PDE4B: variants seen among roughly 807,000 people sequenced by gnomAD.
The protein encoded by PDE4B is 3',5'-cyclic-AMP phosphodiesterase 4B.
PDE4B carries 20 observed loss-of-function variants against 82.2 expected under a neutral mutation model. The observed-to-expected ratio is 0.24, with a 90% confidence interval of 0.17 to 0.35. The LOEUF (loss-of-function observed/expected upper bound fraction) is 0.35. Ranked by LOEUF, PDE4B falls within the 10% of genes least tolerant of loss-of-function variation. PDE4B has a pLI of 1.00. For missense variants in PDE4B, 655 were observed against 907.2 expected, an observed-to-expected ratio of 0.72 and a Z score of 3.57; for synonymous variants, 320 against 318.9, an observed-to-expected ratio of 1.00 and a Z score of -0.04.
intron 3 of PDE4B, among the ~76,000 whole-genome samples, chr1:65,921,900 G>T (rs1479318345): frequency 6.6e-6 from 1 of 152,162 alleles, no homozygotes; most frequent in Non-Finnish European, 1.5e-5. Context: ...ATAAGTATGG[G>T]ACTGTGTGTT....
intron 3 of PDE4B, among the ~76,000 whole-genome samples, chr1:65,981,545 CTTTT>C (rs35405572): frequency 2.1e-5 from 3 of 140,308 alleles, no homozygotes; most frequent in African/African-American, 5.2e-5. Flanking sequence ...TTCATGTTTC[CTTTT>C]TTTTTTTTTT....
At chr1:65,832,789 G>C (rs1042064457) in intron 1 of PDE4B, among the ~76,000 whole-genome samples, 1 of 152,174 alleles carries the variant, frequency 6.6e-6, no homozygotes, top group Non-Finnish European at 1.5e-5. Context: ...AGTGAGGGTC[G>C]TGAGCATCAG....
chr1:65,849,358 C>G (rs1302888835), intron 1 of PDE4B, among the ~76,000 whole-genome samples: 1 of 152,122 alleles, frequency 6.6e-6, no homozygotes, highest in Non-Finnish European at 1.5e-5. Context: ...TTACCCAGAG[C>G]AGGTTCACAG....
chr1:66,174,927 C>T (rs1646904789), intron 3 of PDE4B, among the ~76,000 whole-genome samples: 2 of 152,072 alleles, frequency 1.3e-5, no homozygotes, highest in Non-Finnish European at 2.9e-5. Context: ...GGAAGCAAGG[C>T]GCGTCTTACA....
chr1:66,194,894 G>T (rs1258219489), intron 3 of PDE4B, among the ~76,000 whole-genome samples: 12 of 152,058 alleles, frequency 7.9e-5, no homozygotes. Context: ...TTGCTCGTGA[G>T]AATTAAATGA....
intron 13 of PDE4B, among the ~76,000 whole-genome samples, chr1:66,366,969 G>A (rs769347995): frequency 4.6e-5 from 7 of 152,198 alleles, no homozygotes; most frequent in African/African-American, 1.7e-4. Context: ...AAGAGAAAAT[G>A]TGGTTTCATA....
chr1:65,899,370 G>A (rs1324317937), intron 1 of PDE4B, among the ~76,000 whole-genome samples: 1 of 152,026 alleles, frequency 6.6e-6, no homozygotes, highest in East Asian at 1.9e-4. Flanking sequence ...TACACTGCTG[G>A]TGGGAATGTA....
chr1:66,210,922 G>T (rs548149408), intron 3 of PDE4B, among the ~76,000 whole-genome samples: 8 of 152,248 alleles, frequency 5.3e-5, no homozygotes, highest in African/African-American at 1.9e-4. Context: ...CCTTCAGATG[G>T]TTGTGTCTAA....
At chr1:66,366,171 G>A (rs1663233234) in intron 13 of PDE4B, among the ~76,000 whole-genome samples, 1 of 152,056 alleles carries the variant, frequency 6.6e-6, no homozygotes, top group Non-Finnish European at 1.5e-5. Flanking sequence ...AGCCACAAAT[G>A]TTGAATCTGC....
At chr1:65,898,474 T>C (rs977518236) in intron 1 of PDE4B, among the ~76,000 whole-genome samples, 2 of 151,870 alleles carry the variant, frequency 1.3e-5, no homozygotes, top group African/African-American at 4.8e-5. Context: ...ATCCTAAAAA[T>C]CATATGGAAC....
intron 3 of PDE4B, among the ~76,000 whole-genome samples, chr1:65,967,762 C>T (rs1420270085): frequency 3.9e-5 from 6 of 152,134 alleles, no homozygotes; most frequent in Admixed American, 6.6e-5. Flanking sequence ...AGCAAACAAA[C>T]ACAGGAACAG....
chr1:65,877,344 A>C (rs923673347), intron 1 of PDE4B, among the ~76,000 whole-genome samples: 6 of 152,162 alleles, frequency 3.9e-5, no homozygotes, highest in African/African-American at 1.4e-4. Context: ...GGCCGGGTGC[A>C]GTGGCTCACG....
chr1:65,850,725 AAT>A (rs1366169872), intron 1 of PDE4B, among the ~76,000 whole-genome samples: 6 of 152,102 alleles, frequency 3.9e-5, no homozygotes, highest in Non-Finnish European at 8.8e-5. Context: ...TGTACCCCCA[AAT>A]ATATGTTACA....
At chr1:66,269,134 A>G (rs1461836738) in intron 7 of PDE4B, among the ~76,000 whole-genome samples, 1 of 152,208 alleles carries the variant, frequency 6.6e-6, no homozygotes, top group East Asian at 1.9e-4. Flanking sequence ...AAATTATTCA[A>G]ATTGTGTTTT....
At chr1:65,981,326 A>T (rs1437586386) in intron 3 of PDE4B, among the ~76,000 whole-genome samples, 1 of 152,162 alleles carries the variant, frequency 6.6e-6, no homozygotes, top group Non-Finnish European at 1.5e-5. Context: ...CTGGCTTAAG[A>T]TTGGTAAAAG....
chr1:66,199,127 G>A (rs1238446377), intron 3 of PDE4B, among the ~76,000 whole-genome samples: 6 of 151,768 alleles, frequency 4.0e-5, no homozygotes, highest in Non-Finnish European at 8.8e-5. Context: ...TATATACCCA[G>A]TAATGGGATG....
chr1:66,352,887 T>C (rs535490841), intron 8 of PDE4B, among the ~76,000 whole-genome samples: 3 of 152,324 alleles, frequency 2.0e-5, no homozygotes, highest in South Asian at 4.1e-4. Flanking sequence ...ATGAGACAAT[T>C]GTTTGAATGT....
intron 9 of PDE4B, chr1:66,360,846 T>A (rs963875161): frequency 2.0e-5 from 3 of 152,224 alleles, no homozygotes; most frequent in Admixed American, 2.0e-4. Flanking sequence ...AACATAATTT[T>A]AAAAAATATT....
intron 3 of PDE4B, among the ~76,000 whole-genome samples, chr1:66,171,330 T>C (rs1415399992): frequency 6.6e-6 from 1 of 152,150 alleles, no homozygotes; most frequent in East Asian, 1.9e-4. Context: ...AAGGCAGTCA[T>C]GTACTTTATG....
Sources: gnomAD v4.1 joint callset for allele counts (sites outside exome capture counted in the v4.1 genomes callset) on GRCh38, gnomAD v4.1.1 for gene constraint, MANE v1.5 for transcripts, NCBI Gene and HGNC (gene_info 2026-07-23, HGNC 2026-07-21) for gene names.